The following VCL variants were observed in gnomAD, a reference collection of about 807,000 sequenced individuals.
VCL encodes the protein epididymis luminal protein 114.
VCL carries 47 observed loss-of-function variants against 125.7 expected under a neutral mutation model. The observed-to-expected ratio is 0.37, with a 90% CI of 0.30 to 0.48. VCL has a LOEUF of 0.48. VCL is among the 20% of genes least tolerant of loss of function. The probability of loss-of-function intolerance (pLI) is 0.99; values close to 1 mark genes in which losing one functional copy is unlikely to be tolerated. For missense variants in VCL, 1,069 were observed against 1,455.5 expected (o/e 0.73, Z 4.32); for synonymous variants, 458 against 514.6 (o/e 0.89, Z 1.49).
chr10:74,005,750 A>C (rs913349546), intron 1 of VCL, among the ~76,000 whole-genome samples: 2 of 152,178 alleles, frequency 1.3e-5, no homozygotes, highest in Non-Finnish European at 2.9e-5. Flanking sequence ...CATATAACCT[A>C]TGCACATCCT....
intron 14 of VCL, among the ~76,000 whole-genome samples, chr10:74,101,532 CTATT>C (rs1160124689): frequency 2.8e-5 from 4 of 142,868 alleles, no homozygotes; most frequent in African/African-American, 8.0e-5. Context: ...TTTACAAGGA[CTATT>C]TATTAGTTTT....
intron 14 of VCL, among the ~76,000 whole-genome samples, chr10:74,103,022 A>AT (rs1375364547): frequency 6.6e-6 from 1 of 152,080 alleles, no homozygotes; most frequent in Non-Finnish European, 1.5e-5. Context: ...GTCCACCACC[A>AT]TACCCGGCTA....
Position 74,020,634 on chromosome 10 carries a change from A to G in VCL, c.168+22259A>G, listed in dbSNP as rs536619785. ...GGTGGGTGGACCACTTGAGCTCAGG[A>G]GTTTGAGAGCAGCCTGGGCAACATG... On this transcript the variant is annotated intron_variant, in intron 1 of 21. Transcript: ENST00000211998. 5.3e-5 allele frequency among the ~76,000 whole-genome samples: 8 copies of G among 152,208 alleles called. No individual in the cohort carries two copies. The South Asian group carries it at 1.7e-3, about 32-fold the overall frequency.
At chr10:74,121,132 A>T (rs1378901788), downstream of VCL, 1 of 152,208 alleles carries the variant, frequency 6.6e-6, no homozygotes, top group Non-Finnish European at 1.5e-5. Context: ...AGCCTGCTTG[A>T]GTTAAGGGAA....
chr10:74,033,719 C>T (rs570170411), intron 1 of VCL, among the ~76,000 whole-genome samples: 12 of 152,254 alleles, frequency 7.9e-5, no homozygotes, highest in South Asian at 2.1e-4. Flanking sequence ...TTTCTAGTCC[C>T]GGTAAGTGAA....
At chr10:74,023,133 C>T (rs1453371849) in intron 1 of VCL, among the ~76,000 whole-genome samples, 1 of 152,162 alleles carries the variant, frequency 6.6e-6, no homozygotes. Context: ...CGTGCTTTGC[C>T]TGCACTGTCT....
chr10:74,049,692 T>A (rs1426691871), intron 2 of VCL, among the ~76,000 whole-genome samples: 1 of 152,084 alleles, frequency 6.6e-6, no homozygotes, highest in Non-Finnish European at 1.5e-5. Context: ...ATAGTGAAGG[T>A]CCTTGAAAGC....
At chr10:74,028,067 G>A (rs1243865665) in intron 1 of VCL, among the ~76,000 whole-genome samples, 1 of 151,992 alleles carries the variant, frequency 6.6e-6, no homozygotes, top group Non-Finnish European at 1.5e-5. Flanking sequence ...ATAAGACTGA[G>A]GGTTTTTTTG....
At chr10:74,072,646 A>G in intron 4 of VCL, 84 bp from the exon 5 acceptor site, 1 of 1,603,148 alleles carries the variant, frequency 6.2e-7, no homozygotes, top group Non-Finnish European at 8.5e-7. Flanking sequence ...CTTTCATAGT[A>G]TTTCATAATG....
intron 1 of VCL, among the ~76,000 whole-genome samples, chr10:74,012,507 T>G (rs1296261254): frequency 1.3e-5 from 2 of 152,214 alleles, no homozygotes; most frequent in Non-Finnish European, 2.9e-5. Flanking sequence ...GAATTTATAT[T>G]ATTCTTCTTA....
At chr10:74,067,004 T>C (rs987530272) in intron 2 of VCL, among the ~76,000 whole-genome samples, 1 of 152,176 alleles carries the variant, frequency 6.6e-6, no homozygotes, top group African/African-American at 2.4e-5. Context: ...ATGGTGTTTG[T>C]TTGAATTAAA....
At chr10:74,045,422 A>G (rs1282807539) in intron 2 of VCL, among the ~76,000 whole-genome samples, 1 of 152,080 alleles carries the variant, frequency 6.6e-6, no homozygotes, top group Non-Finnish European at 1.5e-5. Flanking sequence ...CAGGAGTTCG[A>G]GATCAGCCTG....
chr10:74,012,698 C>T (rs1471059944), intron 1 of VCL, among the ~76,000 whole-genome samples: 1 of 152,060 alleles, frequency 6.6e-6, no homozygotes, highest in Non-Finnish European at 1.5e-5. Context: ...TAGGAAGAGA[C>T]CTTTGAGCAT....
chr10:74,114,045 C>T (rs537655888), intron 19 of VCL, 139 bp from the exon 20 acceptor site: 96 of 909,522 alleles, frequency 1.1e-4, no homozygotes, highest in Admixed American at 2.2e-4. Context: ...CACTCAAGAA[C>T]GGCCCTTTTC....
rs1840181656 is a variant in VCL at position 74,109,132 on chromosome 10, T to C, written c.2721T>C (p.Asp907=). ...TGATGGCTGCCAGACAGCTCCATGATGAAGCTCGCAAATGGTCCAGCAAGG... is the reference window on the plus strand; with the variant it reads ...TGATGGCTGCCAGACAGCTCCATGACGAAGCTCGCAAATGGTCCAGCAAGG... The part of the protein sequence containing the change: ...PMMMAARQLH[D]EARKWSSKPG... The change falls in exon 18 of 22, where the codon GAT becomes GAC. Residue 907 remains aspartate (D), a synonymous_variant. Transcript: ENST00000211998. 1.2e-6 allele frequency: 2 copies of C among 1,613,990 alleles called. No homozygotes were observed. The highest frequency in any genetic ancestry group is 2.7e-5 in the African/African-American group (2 of 74,896).
rs1834009627 is a variant in VCL at position 74,119,278 on chromosome 10, G to A, written c.*1109G>A. 1 of 152,568 alleles carries A rather than the reference G, an allele frequency of 6.6e-6. No individual in the cohort carries two copies. Among genetic ancestry groups the A allele is most frequent in the Non-Finnish European group, 1.5e-5 (1 of 68,052 alleles). The allele number at this position is 152,568 out of a possible 1,614,324, so 9.5% of individuals were successfully genotyped here. A position where few individuals can be genotyped will look rare whatever the true frequency, so the allele number is the denominator to read the frequency against. On this transcript the variant is annotated 3_prime_UTR_variant, in exon 22 of 22. Transcript: ENST00000211998. Reference sequence around the variant, plus strand: ...TTAAATTCAGTCCTAAGAAAGAGGAGTGCTTGTCCCCTAAGAGTGTTTAAT... The same window carrying A: ...TTAAATTCAGTCCTAAGAAAGAGGAATGCTTGTCCCCTAAGAGTGTTTAAT...
chr10:74,044,541 TTGA>T (rs1841159440), intron 2 of VCL, among the ~76,000 whole-genome samples: 1 of 152,342 alleles, frequency 6.6e-6, no homozygotes, highest in African/African-American at 2.4e-5. Context: ...ATATTAGTTG[TTGA>T]TAAGATGTGG....
chr10:74,038,138 C>G (rs1841021396), intron 1 of VCL, among the ~76,000 whole-genome samples: 1 of 152,154 alleles, frequency 6.6e-6, no homozygotes, highest in South Asian at 2.1e-4. Context: ...GCTGGGATTA[C>G]AGGTGCCTGC....
intron 1 of VCL, among the ~76,000 whole-genome samples, chr10:73,998,902 A>G (rs1241798502): frequency 6.6e-6 from 1 of 151,380 alleles, no homozygotes; most frequent in East Asian, 1.9e-4. Context: ...TCTGCCCCTC[A>G]CCCTGAGACC....
Sources: gnomAD v4.1 joint callset for allele counts (sites outside exome capture counted in the v4.1 genomes callset) on GRCh38, gnomAD v4.1.1 for gene constraint, MANE v1.5 for transcripts, NCBI Gene and HGNC (gene_info 2026-07-23, HGNC 2026-07-21) for gene names.